Variants in HPCAL1 observed in about 807,000 individuals in gnomAD.
HPCAL1 encodes hippocalcin-like protein 1.
Under a neutral mutation model 17.1 loss-of-function variants are expected in HPCAL1, and 8 were observed. The ratio of observed to expected loss-of-function variants is 0.47; its 90% CI spans 0.27 to 0.84. HPCAL1 has a LOEUF of 0.84. HPCAL1 is among the 40% of genes least tolerant of loss of function. The pLI, the probability that HPCAL1 is intolerant of heterozygous loss-of-function variation, is 0.13. For missense variants in HPCAL1, 165 were observed against 271.1 expected (o/e 0.61, Z 2.75); for synonymous variants, 112 against 111.4 (o/e 1.01, Z -0.03).
At chr2:10,404,323 C>T (rs1013099142) in intron 2 of HPCAL1, among the ~76,000 whole-genome samples, 1 of 152,196 alleles carries the variant, frequency 6.6e-6, no homozygotes, top group African/African-American at 2.4e-5. Flanking sequence ...TCCCAGCACA[C>T]TGAGGATTCC....
At position 10,363,003 on chromosome 2, in the gene HPCAL1, C is replaced by G. The variant is rs1351738049; in HGVS notation, c.-110-33832C>G. ...TCTCTCAGTGACTCACGCCTGTAAT[C>G]TCAGCATTTTGGGAGGCCAAGGTGG... is the stretch of plus-strand genomic sequence containing the variant. On this transcript the variant is annotated intron_variant, in intron 1 of 4. Coordinates refer to ENST00000307845, the MANE Select transcript of HPCAL1 (RefSeq NM_002149.4). This position sits in a 1 kb window ranked among gnomAD's most constrained non-coding sequence, Gnocchi z 4.7. Among the ~76,000 whole-genome samples, 2 of 152,192 alleles carry G rather than the reference C, an allele frequency of 1.3e-5. No homozygotes were observed. The highest frequency in any genetic ancestry group is 2.4e-5 in the African/African-American group (1 of 41,454).
intron 1 of HPCAL1, among the ~76,000 whole-genome samples, chr2:10,348,171 C>G (rs935361356): frequency 6.6e-6 from 1 of 152,112 alleles, no homozygotes; most frequent in Admixed American, 6.5e-5. Flanking sequence ...GGGGCCAGCC[C>G]GGGCACAGTG....
intron 1 of HPCAL1, among the ~76,000 whole-genome samples, chr2:10,381,485 G>A (rs7587064): frequency 1.3e-5 from 2 of 152,194 alleles, no homozygotes; most frequent in African/African-American, 4.8e-5. Flanking sequence ...TGTAGACAGG[G>A]CGTTGTCACA....
At chr2:10,308,400 C>T (rs1471325445) in intron 1 of HPCAL1, among the ~76,000 whole-genome samples, 2 of 152,082 alleles carry the variant, frequency 1.3e-5, no homozygotes, top group Admixed American at 6.5e-5. Flanking sequence ...CAGAAAGATC[C>T]CTCTTTTGTA....
chr2:10,424,259 A>G, intron 4 of HPCAL1: 1 of 343,018 alleles, frequency 2.9e-6, no homozygotes, highest in Non-Finnish European at 5.8e-6. Flanking sequence ...AGAGCATTCC[A>G]GGCAGCCAGG....
intron 1 of HPCAL1, among the ~76,000 whole-genome samples, chr2:10,382,722 C>T (rs989662973): frequency 2.7e-5 from 4 of 147,140 alleles, no homozygotes; most frequent in African/African-American, 5.1e-5. Flanking sequence ...GATGAGAAGC[C>T]GCATGCACCA....
Position 10,384,895 on chromosome 2 carries a change from G to A in HPCAL1, c.-110-11940G>A, listed in dbSNP as rs1049955224. On this transcript the variant is annotated intron_variant, in intron 1 of 4. Transcript: ENST00000307845. The surrounding 1 kb of genome is among the most constrained non-coding windows in gnomAD (Gnocchi z 4.4). Reference sequence around the variant, plus strand: ...CCAACGCTTTGGGAGGCCGAGGTGGGTGGATCACAAGGTCAAGAGATGGAG... The same window carrying A: ...CCAACGCTTTGGGAGGCCGAGGTGGATGGATCACAAGGTCAAGAGATGGAG... 6.6e-6 allele frequency among the ~76,000 whole-genome samples: 1 copy of A among 152,144 alleles called. No homozygotes were observed. The highest frequency in any genetic ancestry group is 2.4e-5 in the African/African-American group (1 of 41,442).
At chr2:10,413,263 G>C (rs3771123) in intron 2 of HPCAL1, among the ~76,000 whole-genome samples, 19,953 of 152,238 alleles carry the variant, frequency 0.13, 1,545 homozygotes, top group South Asian at 0.17. Context: ...CTCCTGGCTG[G>C]TGTCACTCCT....
intron 1 of HPCAL1, among the ~76,000 whole-genome samples, chr2:10,336,880 G>A (rs976744333): frequency 3.3e-5 from 5 of 152,162 alleles, no homozygotes; most frequent in Non-Finnish European, 5.9e-5. Flanking sequence ...AAGTAGCTGA[G>A]ACTATAGGTA....
At chr2:10,417,362 TCAAAAAAAAA>T (rs1670741042) in intron 2 of HPCAL1, among the ~76,000 whole-genome samples, 2 of 146,690 alleles carry the variant, frequency 1.4e-5, no homozygotes, top group Non-Finnish European at 3.0e-5. Context: ...AAACTCCCTC[TCAAAAAAAAA>T]CAAAAAAAAA....
intron 1 of HPCAL1, among the ~76,000 whole-genome samples, chr2:10,308,626 G>T (rs1258797083): frequency 6.6e-6 from 1 of 152,142 alleles, no homozygotes; most frequent in East Asian, 1.9e-4. Flanking sequence ...GCTGCTAGAT[G>T]GCGAGCTCTC....
intron 1 of HPCAL1, among the ~76,000 whole-genome samples, chr2:10,356,098 T>G (rs2125474944): frequency 6.6e-6 from 1 of 152,274 alleles, no homozygotes; most frequent in South Asian, 2.1e-4. Flanking sequence ...GCCAGTTCAT[T>G]TATTCATTTA....
chr2:10,345,675 T>G (rs571436748), intron 1 of HPCAL1, among the ~76,000 whole-genome samples: 23 of 152,216 alleles, frequency 1.5e-4, no homozygotes, highest in African/African-American at 4.6e-4. Context: ...TGGGCTGGTC[T>G]CGAACTCTTG....
chr2:10,427,273 T>C lies in HPCAL1; in HGVS notation c.*452T>C, dbSNP rs1296927946. 4.0e-5 allele frequency: 7 copies of C among 173,932 alleles called. No homozygotes were observed. The highest frequency in any genetic ancestry group is 7.4e-5 in the Non-Finnish European group (6 of 81,300). 10.8% of individuals were successfully genotyped at this position (173,932 alleles called of 1,614,324 possible). A position where few individuals can be genotyped will look rare whatever the true frequency, so the allele number is the denominator to read the frequency against. The stretch of plus-strand genomic sequence containing the variant: ...GTGCATGGCTGCCCCCCCGTTCATT[T>C]TCTCCACCACAGCCGCTTGCACGTA... On this transcript the variant is annotated 3_prime_UTR_variant, in exon 5 of 5. Transcript: ENST00000307845.
In HPCAL1 at chr2:10,426,820, G is replaced by A; in HGVS notation, c.581G>A (p.Ter194=). Residue 194 remains the stop codon, a stop_retained_variant, in exon 5 of 5, where the codon TGA becomes TAA. Coordinates refer to ENST00000307845, the MANE Select transcript of HPCAL1 (RefSeq NM_002149.4). ...QCDPSSASQF[*] is the part of the protein sequence containing the mutation. ...GACCCCAGCAGTGCCAGTCAGTTCT[G>A]AGCGAGCGGCCCCTGGACAGTTGCA... The A allele has an allele frequency of 6.2e-7, 1 of 1,612,582 alleles. No homozygotes were observed. The highest frequency in any genetic ancestry group is 8.5e-7 in the Non-Finnish European group (1 of 1,179,418).
chr2:10,409,269 G>C (rs1326156936), intron 2 of HPCAL1, among the ~76,000 whole-genome samples: 1 of 152,180 alleles, frequency 6.6e-6, no homozygotes, highest in Non-Finnish European at 1.5e-5. Context: ...CGGGGTCTCA[G>C]CTCAGGCCCT....
In HPCAL1 at chr2:10,310,263, G is replaced by A. The variant is rs1271908372; in HGVS notation, c.-111+7086G>A. Among the ~76,000 whole-genome samples the A allele has an allele frequency of 6.6e-6, 1 of 152,162 alleles. No individual in the cohort carries two copies. The highest frequency in any genetic ancestry group is 1.5e-5 in the Non-Finnish European group (1 of 68,026). ...AAGGGGTTCTAGGCGCAGCTCAGAC[G>A]TAGATGGGGACGCAGATGTGAGTAC... On this transcript the variant is annotated intron_variant, in intron 1 of 4. Coordinates refer to ENST00000307845, the MANE Select transcript of HPCAL1 (RefSeq NM_002149.4). This position sits in a 1 kb window ranked among gnomAD's most constrained non-coding sequence, Gnocchi z 4.5.
In HPCAL1 at chr2:10,359,392, G is replaced by A. The variant is rs187725296; in HGVS notation, c.-110-37443G>A. On this transcript the variant is annotated intron_variant, in intron 1 of 4. Transcript: ENST00000307845. The surrounding 1 kb of genome is among the most constrained non-coding windows in gnomAD (Gnocchi z 4.1). ...TTTCCCTTCTAGCCCCTGCAGGCAG[G>A]AGACTTCAACGCAGAGATTAAGAAG... 8.5e-4 allele frequency among the ~76,000 whole-genome samples: 130 copies of A among 152,328 alleles called. No individual in the cohort carries two copies. Among genetic ancestry groups the A allele is most frequent in the Non-Finnish European group, 1.3e-3 (87 of 68,030 alleles).
chr2:10,407,936 T>G (rs1333192745), intron 2 of HPCAL1, among the ~76,000 whole-genome samples: 1 of 152,192 alleles, frequency 6.6e-6, no homozygotes, highest in African/African-American at 2.4e-5. Flanking sequence ...AGAGCAGTTG[T>G]AGGGGCTGGG....
Sources: allele counts gnomAD v4.1 joint callset (sites outside exome capture counted in the v4.1 genomes callset), GRCh38; gene constraint gnomAD v4.1.1; non-coding constraint Gnocchi (gnomAD v3.1); transcripts MANE v1.5; gene names NCBI Gene and HGNC (gene_info 2026-07-23, HGNC 2026-07-21).